The following TEPSIN variants were observed in gnomAD, a reference collection of about 807,000 sequenced individuals.
The protein encoded by TEPSIN is AP-4 complex accessory subunit tepsin.
A neutral mutation model predicts 48.5 loss-of-function variants in TEPSIN; 50 were observed. The ratio of observed to expected loss-of-function variants is 1.03; its 90% CI spans 0.82 to 1.31. The LOEUF is 1.31. Among genes scored for constraint, TEPSIN ranks in the 50% most tolerant of loss-of-function variants. The probability of loss-of-function intolerance (pLI) is 0.00; values close to 1 mark genes in which losing one functional copy is unlikely to be tolerated. For missense variants in TEPSIN, 838 were observed against 815.9 expected (o/e 1.03, Z -0.33); for synonymous variants, 392 against 358.8 (o/e 1.09, Z -1.05).
In TEPSIN at chr17:81,228,466, G is replaced by C; in HGVS notation, c.*462C>G. 1 of 248,176 alleles carries C rather than the reference G, an allele frequency of 4.0e-6. No homozygotes were observed. Among genetic ancestry groups the C allele is most frequent in the Non-Finnish European group, 7.8e-6 (1 of 127,672 alleles). The allele number at this position is 248,176 out of a possible 1,614,324, so 15.4% of individuals were successfully genotyped here. ...ACTTGAAATGGCCTCAGGCCAGACA[G>C]CACAAGGCAGCCCGGACAAGACACC... On this transcript the variant is annotated 3_prime_UTR_variant, in exon 13 of 13. Coordinates refer to ENST00000637944, the MANE Select transcript of TEPSIN (RefSeq NM_001363764.2).
rs1429668845 is a variant in TEPSIN at position 81,231,433 on chromosome 17, A to T, written c.1063T>A (p.Cys355Ser). ...CATTCACTGGTCCCACGCAGGTGGC[A>T]GGTCAGCAGCTGCAGCACGGCCTCA... ...NCEAVLQLLT[C>S]HLRGTSECTQ... Residue 355 changes from cysteine (C) to serine (S), a missense_variant, in exon 11 of 13, where the codon TGC (cysteine) becomes AGC (serine). Transcript: ENST00000637944. 1 of 1,565,344 alleles carries T rather than the reference A, an allele frequency of 6.4e-7. No individual in the cohort carries two copies.
At position 81,230,698 on chromosome 17, in the gene TEPSIN, A is replaced by C. The variant is rs561332374; in HGVS notation, c.1099-20T>G. The C allele has an allele frequency of 3.3e-6, 5 of 1,510,720 alleles. No individual in the cohort carries two copies. In the African/African-American group the frequency reaches 4.2e-5, roughly 13 times the overall value. The allele number at this position is 1,510,720 out of a possible 1,614,324, so 93.6% of individuals were successfully genotyped here. A position where few individuals can be genotyped will look rare whatever the true frequency, so the allele number is the denominator to read the frequency against. Reference sequence around the variant, plus strand: ...CGCCCTCTGCGGGTGAAGGGAGGGGACATCAGCACCCATGGGGCAGCAGGT... The same window carrying C: ...CGCCCTCTGCGGGTGAAGGGAGGGGCCATCAGCACCCATGGGGCAGCAGGT... On this transcript the variant is annotated intron_variant, in intron 11 of 12. Coordinates refer to ENST00000637944, the MANE Select transcript of TEPSIN (RefSeq NM_001363764.2). The surrounding 1 kb of genome is among the most constrained non-coding windows in gnomAD (Gnocchi z 4.2).
At position 81,230,074 on chromosome 17, in the gene TEPSIN, G is replaced by A. The variant is rs934971674; in HGVS notation, c.1233+470C>T. The A allele has an allele frequency of 7.1e-5, 12 of 167,962 alleles. No individual in the cohort carries two copies. Among genetic ancestry groups the A allele is most frequent in the East Asian group, 1.8e-4 (1 of 5,422 alleles). 10.4% of individuals were successfully genotyped at this position (167,962 alleles called of 1,614,324 possible). A position where few individuals can be genotyped will look rare whatever the true frequency, so the allele number is the denominator to read the frequency against. Reference sequence around the variant, plus strand: ...GGGAAGGTGCCAGGGCCTGGCGGCCGGGAGAGGCCTCCCCGTGTGATTCCA... The same window carrying A: ...GGGAAGGTGCCAGGGCCTGGCGGCCAGGAGAGGCCTCCCCGTGTGATTCCA... On this transcript the variant is annotated intron_variant, in intron 12 of 12. Coordinates refer to ENST00000637944, the MANE Select transcript of TEPSIN (RefSeq NM_001363764.2). This position sits in a 1 kb window ranked among gnomAD's most constrained non-coding sequence, Gnocchi z 4.2.
In TEPSIN at chr17:81,229,107, G is replaced by C. The variant is rs751453449; in HGVS notation, c.1603C>G (p.Arg535Gly). The change falls in exon 13 of 13, where the codon CGC becomes GGC. Residue 535 changes from arginine (R) to glycine (G), a missense_variant. Coordinates refer to ENST00000637944, the MANE Select transcript of TEPSIN (RefSeq NM_001363764.2). ...KRGPSSCAWS[R>G]DSLFAGMELV... ...TCCATGCCAGCAAACAAGGAGTCGCGGCTCCACGCACAGCTGCTGGGGCCT... is the reference window on the plus strand; with the variant it reads ...TCCATGCCAGCAAACAAGGAGTCGCCGCTCCACGCACAGCTGCTGGGGCCT... 1.2e-6 allele frequency: 2 copies of C among 1,613,486 alleles called. No homozygotes were observed. The highest frequency in any genetic ancestry group is 4.5e-5 in the East Asian group (2 of 44,872).
In TEPSIN at chr17:81,228,998, G is replaced by C; in HGVS notation, c.1712C>G (p.Ser571Trp). The change falls in exon 13 of 13, where the codon TCG (serine) becomes TGG (tryptophan). Residue 571 changes from serine (S) to tryptophan (W), a missense_variant. Transcript: ENST00000637944. ...CTCTTTGGCTGCTGTCCTCTGGGAC[G>C]ATGTTTGGGGGGCGCGGGGAGCATC... ...CPDAPRAPQT[S>W]SQRTAAKEPP... 1 of 1,613,682 alleles carries C rather than the reference G, an allele frequency of 6.2e-7. No homozygotes were observed. The highest frequency in any genetic ancestry group is 2.2e-5 in the East Asian group (1 of 44,872).
At chr17:81,237,232 G>C in intron 2 of TEPSIN, 155 bp downstream of exon 2, 1 of 1,176,058 alleles carries the variant, frequency 8.5e-7, no homozygotes, top group Middle Eastern at 1.9e-4. Context: ...TGTGTCATCA[G>C]TATTGCAGCC....
Position 81,233,913 on chromosome 17 carries a change from C to A in TEPSIN, c.375+68G>T. 2 of 1,518,686 alleles carry A rather than the reference C, an allele frequency of 1.3e-6. No individual in the cohort carries two copies. The highest frequency in any genetic ancestry group is 1.2e-5 in the South Asian group (1 of 81,162). 94.1% of individuals were successfully genotyped at this position (1,518,686 alleles called of 1,614,324 possible). A position where few individuals can be genotyped will look rare whatever the true frequency, so the allele number is the denominator to read the frequency against. On this transcript the variant is annotated intron_variant, in intron 5 of 12. Coordinates refer to ENST00000637944, the MANE Select transcript of TEPSIN (RefSeq NM_001363764.2). This position sits in a 1 kb window ranked among gnomAD's most constrained non-coding sequence, Gnocchi z 5.8. ...AACTGCAAACCCCCCAGCTGACATCCTGGCCCCAATCCCACCCCTCTACAG... is the reference window on the plus strand; with the variant it reads ...AACTGCAAACCCCCCAGCTGACATCATGGCCCCAATCCCACCCCTCTACAG...
Position 81,231,965 on chromosome 17 carries a change from G to C in TEPSIN, c.787C>G (p.Pro263Ala). 6.2e-7 allele frequency: 1 copy of C among 1,613,152 alleles called. No homozygotes were observed. The highest frequency in any genetic ancestry group is 8.5e-7 in the Non-Finnish European group (1 of 1,179,962). ...GGGWDELDSG[P>A]SSQNSSQNSD... ...TTCTGGGAGGAATTCTGAGAGCTGG[G>C]GCCGCTGTCCAGCTCATCCCAGCCC... The change falls in exon 9 of 13, where the codon CCC becomes GCC. Residue 263 changes from proline (P) to alanine (A), a missense_variant. Pro to Ala is a conservative substitution (Grantham distance 27, BLOSUM62 -1). Transcript: ENST00000637944.
Position 81,232,412 on chromosome 17 carries a change from C to G in TEPSIN, c.633G>C (p.Pro211=). ...PESPSTRRLL[P]RGDTYQPAMM... ...TGGCAGGCTGGTAGGTGTCACCCCG[C>G]GGCAGGAGCCTCCGGGTACTGGGAC... The change falls in exon 8 of 13, where the codon CCG becomes CCC. Residue 211 remains proline, a synonymous_variant. Coordinates refer to ENST00000637944, the MANE Select transcript of TEPSIN (RefSeq NM_001363764.2). 1 of 1,535,758 alleles carries G rather than the reference C, an allele frequency of 6.5e-7. No individual in the cohort carries two copies. Among genetic ancestry groups the G allele is most frequent in the Non-Finnish European group, 8.7e-7 (1 of 1,146,682 alleles).
Position 81,238,978 on chromosome 17 carries a change from T to A in TEPSIN, c.48+8A>T. On this transcript the variant is annotated splice_region_variant and intron_variant, in intron 1 of 12. Transcript: ENST00000637944. Reference sequence around the variant, plus strand: ...GGACCGGGGCCCGGGCGGACCGCCCTCACTCACCCGGTGTAGAAAGCTCAG... The same window carrying A: ...GGACCGGGGCCCGGGCGGACCGCCCACACTCACCCGGTGTAGAAAGCTCAG... 1.4e-6 allele frequency: 2 copies of A among 1,463,768 alleles called. No individual in the cohort carries two copies. Among genetic ancestry groups the A allele is most frequent in the Non-Finnish European group, 9.0e-7 (1 of 1,114,760 alleles). The allele number at this position is 1,463,768 out of a possible 1,614,324, so 90.7% of individuals were successfully genotyped here. A position where few individuals can be genotyped will look rare whatever the true frequency, so the allele number is the denominator to read the frequency against.
At chr17:81,232,736 C>A (rs910373427) in intron 7 of TEPSIN, 50 of 558,520 alleles carry the variant, frequency 9.0e-5, no homozygotes, top group Non-Finnish European at 1.3e-4. Context: ...GACACCAAAG[C>A]TCACTGCAGA....
At position 81,228,727 on chromosome 17, in the gene TEPSIN, C is replaced by T. The variant is rs2146815520; in HGVS notation, c.*201G>A. 1.5e-6 allele frequency: 1 copy of T among 652,470 alleles called. No individual in the cohort carries two copies. Among genetic ancestry groups the T allele is most frequent in the East Asian group, 3.0e-5 (1 of 33,486 alleles). The allele number at this position is 652,470 out of a possible 1,614,324, so 40.4% of individuals were successfully genotyped here. ...GATCGACATTTCTGAAGCCCTGCCA[C>T]CTGCCATCCCTCGTAGGGATTCAAG... On this transcript the variant is annotated 3_prime_UTR_variant, in exon 13 of 13. Coordinates refer to ENST00000637944, the MANE Select transcript of TEPSIN (RefSeq NM_001363764.2).
In TEPSIN at chr17:81,230,748, CATCT is replaced by C; in HGVS notation, c.1099-74_1099-71del. ...TCCACGCCAGGGAGGCCTATTTGGCCATCTCTCTCCCTCTTCTTCCTCCTCATCA... is the reference window on the plus strand; with the variant it reads ...TCCACGCCAGGGAGGCCTATTTGGCCCTCTCCCTCTTCTTCCTCCTCATCA... On this transcript the variant is annotated intron_variant, in intron 11 of 12. Coordinates refer to ENST00000637944, the MANE Select transcript of TEPSIN (RefSeq NM_001363764.2). This position sits in a 1 kb window ranked among gnomAD's most constrained non-coding sequence, Gnocchi z 4.2. 1.4e-6 allele frequency: 2 copies of C among 1,449,674 alleles called. No individual in the cohort carries two copies. The highest frequency in any genetic ancestry group is 1.8e-6 in the Non-Finnish European group (2 of 1,099,224). The allele number at this position is 1,449,674 out of a possible 1,614,324, so 89.8% of individuals were successfully genotyped here.
intron 4 of TEPSIN, 57 bp downstream of exon 4, chr17:81,236,650 AC>A: frequency 6.6e-7 from 1 of 1,503,966 alleles, no homozygotes; most frequent in Non-Finnish European, 9.0e-7. Context: ...AGGATCCGCC[AC>A]CCTCCCCCAT....
rs1224439182 is a variant in TEPSIN, at chr17:81,229,077, C to CCAGCTCCATGCCAG, written c.1619_1632dup (p.Val545LeufsTer52). 6.2e-7 allele frequency: 1 copy of CCAGCTCCATGCCAG among 1,613,588 alleles called. No homozygotes were observed. The highest frequency in any genetic ancestry group is 2.2e-5 in the East Asian group (1 of 44,878). On this transcript the variant is annotated frameshift_variant, in exon 13 of 13. Coordinates refer to ENST00000637944, the MANE Select transcript of TEPSIN (RefSeq NM_001363764.2). LOFTEE classifies it low-confidence loss of function (END_TRUNC). ...GCCCCCACCAGGCGGGGACAGGCCA[C>CCAGCTCCATGCCAG]CAGCTCCATGCCAGCAAACAAGGAG...
intron 1 of TEPSIN, chr17:81,238,671 T>C: frequency 8.4e-7 from 1 of 1,187,376 alleles, no homozygotes; most frequent in African/African-American, 1.6e-5. Flanking sequence ...CGGCTCCACG[T>C]CCACCGGGTC....
chr17:81,232,108 C>T (rs532885263), intron 8 of TEPSIN, 87 bp from the exon 9 acceptor site: 63 of 1,491,814 alleles, frequency 4.2e-5, no homozygotes, highest in Middle Eastern at 2.3e-4. Context: ...CAGGAGGCCT[C>T]GGGGGCTGAG....
In TEPSIN at chr17:81,234,235, C is replaced by A; in HGVS notation, c.308-187G>T. 1 of 476,224 alleles carries A rather than the reference C, an allele frequency of 2.1e-6. No homozygotes were observed. Among genetic ancestry groups the A allele is most frequent in the Non-Finnish European group, 3.7e-6 (1 of 270,222 alleles). The allele number at this position is 476,224 out of a possible 1,614,324, so 29.5% of individuals were successfully genotyped here. A position where few individuals can be genotyped will look rare whatever the true frequency, so the allele number is the denominator to read the frequency against. On this transcript the variant is annotated intron_variant, in intron 4 of 12. Transcript: ENST00000637944. This position sits in a 1 kb window ranked among gnomAD's most constrained non-coding sequence, Gnocchi z 5.4. ...CACACCTGAGCAGACCCTCAGCTCC[C>A]CCTCACCCATGCCCCACAGAGGCGA... is the stretch of plus-strand genomic sequence containing the variant.
At chr17:81,231,779 C>T in intron 9 of TEPSIN, 68 bp downstream of exon 9, 1 of 1,605,512 alleles carries the variant, frequency 6.2e-7, no homozygotes, top group Non-Finnish European at 8.5e-7. Flanking sequence ...AGAGCAGGAG[C>T]CGCGCTGGGA....
Sources: allele counts gnomAD v4.1 joint callset, GRCh38; gene constraint gnomAD v4.1.1; non-coding constraint Gnocchi (gnomAD v3.1); transcripts MANE v1.5; gene names NCBI Gene and HGNC (gene_info 2026-07-23, HGNC 2026-07-21).